DAP3: variants seen among roughly 807,000 people sequenced by gnomAD.
DAP3 encodes the protein small ribosomal subunit protein mS29.
DAP3 carries 28 observed loss-of-function variants against 51.9 expected under a neutral mutation model. The ratio of observed to expected loss-of-function variants is 0.54; its 90% CI spans 0.40 to 0.74. The LOEUF is 0.74. DAP3 is among the 30% of genes least tolerant of loss of function. DAP3 has a pLI of 0.00. For synonymous variants in DAP3, 170 were observed against 170.3 expected, an observed-to-expected ratio of 1.00 and a Z score of 0.01; for missense variants, 458 against 483.5, an observed-to-expected ratio of 0.95 and a Z score of 0.49.
chr1:155,713,077 G>C (rs186881907), intron 2 of DAP3, among the ~76,000 whole-genome samples: 10 of 152,308 alleles, frequency 6.6e-5, no homozygotes, highest in Admixed American at 2.6e-4. Flanking sequence ...TTGCAAGCAA[G>C]ACTGAAGTCT....
intron 3 of DAP3, among the ~76,000 whole-genome samples, chr1:155,719,842 C>T (rs1267669298): frequency 1.3e-5 from 2 of 152,038 alleles, no homozygotes; most frequent in Admixed American, 6.6e-5. Flanking sequence ...CCACTGCACT[C>T]GGCCAAAAGT....
rs756831815 is a variant in DAP3 at position 155,731,924 on chromosome 1, C to T, written c.904-20C>T. The T allele has an allele frequency of 3.8e-6, 6 of 1,587,010 alleles. No individual in the cohort carries two copies. The highest frequency in any genetic ancestry group is 5.1e-6 in the Non-Finnish European group (6 of 1,169,538). ...TCCTTTTTAACTTTTTCCAGTTCAG[C>T]CTTTTCTCTTTTCTTTCAGCATGGA... is the stretch of plus-strand genomic sequence containing the variant. On this transcript the variant is annotated intron_variant, in intron 10 of 12. Transcript: ENST00000368336.
At chr1:155,700,838 T>A (rs1368124168) in intron 1 of DAP3, among the ~76,000 whole-genome samples, 1 of 79,750 alleles carries the variant, frequency 1.3e-5, no homozygotes, top group East Asian at 4.1e-4. Flanking sequence ...GGAGCCCCTC[T>A]GCCCGGCCAG....
At chr1:155,691,572 A>AC (rs1653824614) in intron 1 of DAP3, among the ~76,000 whole-genome samples, 1 of 141,836 alleles carries the variant, frequency 7.1e-6, no homozygotes, top group Non-Finnish European at 1.5e-5. Context: ...ACTTTTGCAT[A>AC]CACTTGTTTT....
intron 1 of DAP3, among the ~76,000 whole-genome samples, chr1:155,693,040 G>C (rs1187057629): frequency 2.8e-5 from 4 of 141,544 alleles, no homozygotes; most frequent in Non-Finnish European, 5.9e-5. Flanking sequence ...AAATCTTTTT[G>C]TTCTGGTAAA....
rs150553683 is a variant in DAP3 at position 155,727,724 on chromosome 1, C to A, written c.589C>A (p.Arg197Ser). The A allele has an allele frequency of 9.9e-6, 16 of 1,613,104 alleles. No homozygotes were observed. Among genetic ancestry groups the A allele is most frequent in the Non-Finnish European group, 1.4e-5 (16 of 1,179,490 alleles). ...WLKNFKTTNERFLNQIKVQEK... is the reference protein window; with the variant it reads ...WLKNFKTTNESFLNQIKVQEK... ...GAAGAATTTCAAAACTACAAATGAG[C>A]GCTTCCTGAACCAGGTGACTAGACT... The change falls in exon 7 of 13, where the codon CGC becomes AGC. Residue 197 changes from arginine to serine, a missense_variant. Physicochemically the swap from Arg to Ser is moderately radical, Grantham distance 110 (BLOSUM62 -1). Transcript: ENST00000368336.
At chr1:155,718,816 A>G (rs1288124733) in intron 3 of DAP3, among the ~76,000 whole-genome samples, 1 of 152,184 alleles carries the variant, frequency 6.6e-6, no homozygotes, top group Non-Finnish European at 1.5e-5. Context: ...ATGAAGTAGA[A>G]TAAATGAATC....
chr1:155,715,476 C>T (rs1423730521), intron 2 of DAP3, among the ~76,000 whole-genome samples: 3 of 148,548 alleles, frequency 2.0e-5, no homozygotes, highest in Non-Finnish European at 3.0e-5. Flanking sequence ...GTGCCGTGAT[C>T]GTGCCACTGC....
chr1:155,730,615 C>T (rs974283459), intron 9 of DAP3, among the ~76,000 whole-genome samples: 1 of 149,280 alleles, frequency 6.7e-6, no homozygotes, highest in Non-Finnish European at 1.5e-5. Flanking sequence ...GACTCTGTCT[C>T]AAAAAAATAA....
intron 2 of DAP3, among the ~76,000 whole-genome samples, chr1:155,715,038 A>G (rs1423863543): frequency 5.3e-5 from 8 of 152,042 alleles, no homozygotes; most frequent in African/African-American, 1.9e-4. Flanking sequence ...TCCTGTCTCT[A>G]CTAAAAATAG....
At chr1:155,694,812 C>T (rs1172244413) in intron 1 of DAP3, among the ~76,000 whole-genome samples, 1 of 152,278 alleles carries the variant, frequency 6.6e-6, no homozygotes, top group East Asian at 1.9e-4. Context: ...AAAGTCCTTC[C>T]ACCACACAGG....
chr1:155,717,037 C>G lies in DAP3; in HGVS notation c.77C>G (p.Thr26Ser). The G allele has an allele frequency of 6.2e-7, 1 of 1,613,910 alleles. No homozygotes were observed. Among genetic ancestry groups the G allele is most frequent in the Non-Finnish European group, 8.5e-7 (1 of 1,180,010 alleles). The change falls in exon 3 of 13, where the codon ACC becomes AGC. Residue 26 changes from threonine (T) to serine (S), a missense_variant. Thr to Ser is a moderately conservative substitution (Grantham distance 58). Transcript: ENST00000368336. The part of the protein sequence containing the change: ...LDPGRFLHMG[T>S]QARQSIAAHL... ...CCTGGGCGTTTTTTACACATGGGGA[C>G]CCAGGCTCGCCAAAGCATTGCTGCT...
chr1:155,706,351 CAGG>C (rs1172157196), intron 1 of DAP3, among the ~76,000 whole-genome samples: 2 of 152,154 alleles, frequency 1.3e-5, no homozygotes, highest in Non-Finnish European at 2.9e-5. Context: ...ACTATAAGAT[CAGG>C]GACTATAATA....
At chr1:155,701,263 G>A (rs1370726072) in intron 1 of DAP3, among the ~76,000 whole-genome samples, 8 of 81,652 alleles carry the variant, frequency 9.8e-5, no homozygotes, top group Non-Finnish European at 1.5e-4. Flanking sequence ...AAAAGATTGA[G>A]AAATCGGATG....
intron 2 of DAP3, 165 bp downstream of exon 2, chr1:155,709,989 G>C (rs1457567863): frequency 1.9e-6 from 1 of 535,460 alleles, no homozygotes. Context: ...TGGAATAGGA[G>C]AATTAATATT....
At chr1:155,730,189 A>AATATTCATATATGTATATATGTATATATG (rs1659077468) in intron 9 of DAP3, among the ~76,000 whole-genome samples, 1 of 147,884 alleles carries the variant, frequency 6.8e-6, no homozygotes, top group African/African-American at 2.5e-5. Context: ...ATGTATATAT[A>AATATTCATATATGTATATATGTATATATG]ATATTCATAT....
At chr1:155,715,707 C>T (rs1657255310) in intron 2 of DAP3, among the ~76,000 whole-genome samples, 1 of 152,202 alleles carries the variant, frequency 6.6e-6, no homozygotes. Context: ...TCACTTTCTA[C>T]ATAAGGTTTG....
At chr1:155,735,999 G>A (rs571840960) in intron 11 of DAP3, among the ~76,000 whole-genome samples, 2 of 151,906 alleles carry the variant, frequency 1.3e-5, no homozygotes, top group East Asian at 1.9e-4. Flanking sequence ...ATGCCACCAC[G>A]CCCAGCTAAT....
At chr1:155,712,402 C>T (rs1457445407) in intron 2 of DAP3, among the ~76,000 whole-genome samples, 1 of 152,058 alleles carries the variant, frequency 6.6e-6, no homozygotes, top group African/African-American at 2.4e-5. Context: ...CACCTGAGGT[C>T]GGGAGTTCGA....
Sources: allele counts gnomAD v4.1 joint callset (sites outside exome capture counted in the v4.1 genomes callset), GRCh38; gene constraint gnomAD v4.1.1; transcripts MANE v1.5; gene names NCBI Gene and HGNC (gene_info 2026-07-23, HGNC 2026-07-21).